Variants in ZBTB38 observed in about 807,000 individuals in gnomAD.
The protein encoded by ZBTB38 is zinc finger and BTB domain containing 38.
A neutral mutation model predicts 76.8 loss-of-function variants in ZBTB38; 20 were observed. That is an observed-to-expected ratio of 0.26 (90% CI 0.18 to 0.38). The LOEUF (loss-of-function observed/expected upper bound fraction) is 0.38, where lower values mean the gene tolerates loss of function less well. ZBTB38 is among the 10% of genes least tolerant of loss of function. ZBTB38 has a pLI of 1.00. For synonymous variants in ZBTB38, 504 were observed against 544.2 expected (o/e 0.93, Z 1.03); for missense variants, 1,082 against 1,482.3 (o/e 0.73, Z 4.43).
intron 5 of ZBTB38, among the ~76,000 whole-genome samples, chr3:141,408,148 A>AT (rs771137623): frequency 7.9e-5 from 12 of 152,226 alleles, no homozygotes; most frequent in Non-Finnish European, 1.8e-4. Context: ...GTGGATAAAC[A>AT]TCTCTGTCAT....
chr3:141,388,057 G>A (rs181495849), intron 4 of ZBTB38: 1 of 152,190 alleles, frequency 6.6e-6, no homozygotes, highest in Admixed American at 6.5e-5. Flanking sequence ...GTATATAAAT[G>A]TATAGCTTTT....
intron 5 of ZBTB38, among the ~76,000 whole-genome samples, chr3:141,440,409 A>G (rs986649344): frequency 2.0e-5 from 3 of 152,256 alleles, no homozygotes; most frequent in African/African-American, 7.2e-5. Flanking sequence ...GTCACAGCTT[A>G]TAATAGCAGC....
intron 4 of ZBTB38, chr3:141,388,958 C>T (rs1169003316): frequency 6.6e-6 from 1 of 152,136 alleles, no homozygotes; most frequent in Non-Finnish European, 1.5e-5. Context: ...TTCACCAGCG[C>T]CACTGAAACA....
At chr3:141,428,221 T>C (rs1287216256) in intron 5 of ZBTB38, among the ~76,000 whole-genome samples, 1 of 152,244 alleles carries the variant, frequency 6.6e-6, no homozygotes, top group Non-Finnish European at 1.5e-5. Flanking sequence ...TGAATCCCAT[T>C]CTGGGTCTTT....
intron 5 of ZBTB38, among the ~76,000 whole-genome samples, chr3:141,426,563 C>T (rs1226696493): frequency 6.6e-6 from 1 of 152,072 alleles, no homozygotes; most frequent in Non-Finnish European, 1.5e-5. Context: ...AAGGAAGTGA[C>T]CGGTGAATGC....
chr3:141,338,179 T>C (rs927426578), intron 1 of ZBTB38, among the ~76,000 whole-genome samples: 1 of 152,200 alleles, frequency 6.6e-6, no homozygotes, highest in Admixed American at 6.5e-5. Context: ...GGAACACTTA[T>C]ACACTGCTGG....
chr3:141,337,840 C>T (rs561531987), intron 1 of ZBTB38, among the ~76,000 whole-genome samples: 17 of 152,232 alleles, frequency 1.1e-4, no homozygotes, highest in East Asian at 1.9e-4. Flanking sequence ...CTGAGACTTG[C>T]GGAGATTACA....
At chr3:141,383,340 A>T (rs1946466469) in intron 3 of ZBTB38, among the ~76,000 whole-genome samples, 1 of 152,248 alleles carries the variant, frequency 6.6e-6, no homozygotes, top group Non-Finnish European at 1.5e-5. Context: ...AACTTTTTAA[A>T]TATTAAGAAT....
At position 141,383,748 on chromosome 3, in the gene ZBTB38, G is replaced by A. The variant is rs1399353610; in HGVS notation, c.-172+2261G>A. On this transcript the variant is annotated intron_variant, in intron 3 of 5. Transcript: ENST00000321464. ...TCAAAGTGAAAGGCTCACCCCTCACGTCTAGCTCCGTCCTTCTCCAGCCTG... is the reference window on the plus strand; with the variant it reads ...TCAAAGTGAAAGGCTCACCCCTCACATCTAGCTCCGTCCTTCTCCAGCCTG... 3.3e-5 allele frequency: 5 copies of A among 152,160 alleles called. 1 individual carries two copies. Among genetic ancestry groups the A allele is most frequent in the African/African-American group, 7.2e-5 (3 of 41,420 alleles). The allele number at this position is 152,160 out of a possible 1,614,324, so 9.4% of individuals were successfully genotyped here. A position where few individuals can be genotyped will look rare whatever the true frequency, so the allele number is the denominator to read the frequency against.
chr3:141,332,713 G>A (rs1395622662), intron 1 of ZBTB38, among the ~76,000 whole-genome samples: 1 of 152,206 alleles, frequency 6.6e-6, no homozygotes, highest in Non-Finnish European at 1.5e-5. Context: ...TGGAGTGGGG[G>A]AGGGATGCCG....
At chr3:141,361,469 A>G (rs779461287) in intron 1 of ZBTB38, among the ~76,000 whole-genome samples, 1 of 152,212 alleles carries the variant, frequency 6.6e-6, no homozygotes, top group Non-Finnish European at 1.5e-5. Flanking sequence ...GAACTGAGGA[A>G]GCTGAGGCTG....
intron 1 of ZBTB38, among the ~76,000 whole-genome samples, chr3:141,333,880 T>C (rs991185882): frequency 2.6e-5 from 4 of 152,174 alleles, no homozygotes; most frequent in Non-Finnish European, 5.9e-5. Flanking sequence ...ACAGTGTGGA[T>C]CTTACAGCTT....
chr3:141,396,979 G>A (rs1223239161), intron 4 of ZBTB38, among the ~76,000 whole-genome samples: 1 of 152,168 alleles, frequency 6.6e-6, no homozygotes, highest in Non-Finnish European at 1.5e-5. Context: ...AATGGGCACT[G>A]GCTTCAACTT....
intron 2 of ZBTB38, among the ~76,000 whole-genome samples, chr3:141,378,185 C>A (rs1394022430): frequency 7.4e-4 from 100 of 135,698 alleles, no homozygotes; most frequent in South Asian, 7.3e-4. Flanking sequence ...TCTCAACAAG[C>A]AAAAAAAAAA....
rs542930429 is a variant in ZBTB38, at chr3:141,394,035, G to C, written c.-106+7098G>C. ...TTTCTTTCTTTTTTTTTTTTGAAAC[G>C]GAGTCTTGTTCTGTTGCCAGGCTGG... On this transcript the variant is annotated intron_variant, in intron 4 of 5. Transcript: ENST00000321464. 1.6e-3 allele frequency among the ~76,000 whole-genome samples: 227 copies of C among 144,266 alleles called. 1 individual carries two copies. Among genetic ancestry groups the C allele is most frequent in the Non-Finnish European group, 2.6e-3 (170 of 66,390 alleles). The allele number at this position is 144,266 out of a possible 152,430, so 94.6% of individuals were successfully genotyped here.
intron 5 of ZBTB38, among the ~76,000 whole-genome samples, chr3:141,423,352 C>T (rs190369947): frequency 1.6e-4 from 25 of 152,186 alleles, no homozygotes; most frequent in African/African-American, 5.3e-4. Context: ...TGGAAGATTA[C>T]GAGAGTGAAA....
chr3:141,420,263 G>GA (rs1405922447), intron 5 of ZBTB38, among the ~76,000 whole-genome samples: 1 of 152,194 alleles, frequency 6.6e-6, no homozygotes, highest in African/African-American at 2.4e-5. Context: ...AAGAACAGTT[G>GA]AAAATTAGAG....
At chr3:141,330,393 C>T (rs926252854) in intron 1 of ZBTB38, among the ~76,000 whole-genome samples, 1 of 152,246 alleles carries the variant, frequency 6.6e-6, no homozygotes, top group Non-Finnish European at 1.5e-5. Context: ...GCAACCCACT[C>T]ACCAGAAAGC....
intron 5 of ZBTB38, among the ~76,000 whole-genome samples, chr3:141,418,194 T>C (rs2074513473): frequency 6.6e-6 from 1 of 151,908 alleles, no homozygotes; most frequent in Non-Finnish European, 1.5e-5. Flanking sequence ...ACTCATCCAG[T>C]ATTGGAAACT....
Sources: allele counts gnomAD v4.1 joint callset (sites outside exome capture counted in the v4.1 genomes callset), GRCh38; gene constraint gnomAD v4.1.1; transcripts MANE v1.5; gene names NCBI Gene and HGNC (gene_info 2026-07-23, HGNC 2026-07-21).